SPTBN2: variants seen among roughly 807,000 people sequenced by gnomAD.
SPTBN2 encodes spectrin beta chain, non-erythrocytic 2.
A neutral mutation model predicts 284.2 loss-of-function variants in SPTBN2; 107 were observed. That is an observed-to-expected ratio of 0.38 (90% CI 0.32 to 0.44). The LOEUF (loss-of-function observed/expected upper bound fraction) is 0.44, where lower values mean the gene tolerates loss of function less well. Ranked by LOEUF, SPTBN2 falls within the 20% of genes least tolerant of loss-of-function variation. SPTBN2 has a pLI of 1.00. For missense variants in SPTBN2, 2,569 were observed against 3,287.1 expected (o/e 0.78, Z 5.34); for synonymous variants, 1,289 against 1,354.8 (o/e 0.95, Z 1.07).
Position 66,710,923 on chromosome 11 carries a change from A to G in SPTBN2, c.879T>C (p.Ile293=), listed in dbSNP as rs528603103. 1.6e-4 allele frequency: 257 copies of G among 1,614,204 alleles called. 2 individuals carry two copies. In the East Asian group the frequency reaches 5.5e-3, roughly 34 times the overall value. Residue 293 remains isoleucine (I), a synonymous_variant, in exon 9 of 38, where the codon ATT becomes ATC. Transcript: ENST00000533211. The surrounding 1 kb of genome is among the most constrained non-coding windows in gnomAD (Gnocchi z 4.9). ...TACTGCCCATGGACAGTACCTTGCC[A>G]ATTCTCTTGCCTTCCACGGCCAGGG... ...MKALAVEGKR[I]GKVLDHAMEA...
At chr11:66,720,578 GAGGGAACCTGCTTC>G (rs923410737) in intron 3 of SPTBN2, among the ~76,000 whole-genome samples, 18 of 152,320 alleles carry the variant, frequency 1.2e-4, no homozygotes, top group African/African-American at 4.1e-4. Context: ...GCAGCGGGTG[GAGGGAACCTGCTTC>G]AGGGAACAGG....
In SPTBN2 at chr11:66,721,119, C is replaced by A. The variant is rs149103293; in HGVS notation, c.122G>T (p.Arg41Leu). The A allele has an allele frequency of 1.7e-5, 27 of 1,614,088 alleles. No individual in the cohort carries two copies. Among genetic ancestry groups the A allele is most frequent in the Non-Finnish European group, 1.7e-6 (2 of 1,180,038 alleles). ...CTTAATGCGAGACCTCTCAAAGAGG[C>A]GGGCCGAGCTGCTGTCATTGTCCCA... ...SDWDNDSSSARLFERSRIKAL... is the reference protein window; with the variant it reads ...SDWDNDSSSALLFERSRIKAL... The change falls in exon 3 of 38, where the codon CGC becomes CTC. Residue 41 changes from arginine (R) to leucine (L), a missense_variant. Physicochemically the swap from Arg to Leu is moderately radical, Grantham distance 102. This residue lies in a region of SPTBN2 where 304 missense variants were observed against 522.1 expected (regional missense o/e 0.58). Coordinates refer to ENST00000533211, the MANE Select transcript of SPTBN2 (RefSeq NM_006946.4).
intron 8 of SPTBN2, among the ~76,000 whole-genome samples, chr11:66,711,328 A>T (rs958363185): frequency 7.9e-5 from 12 of 152,250 alleles, no homozygotes; most frequent in Non-Finnish European, 1.2e-4. Context: ...GAAGAAAAGC[A>T]AGAAAAGAAA....
intron 10 of SPTBN2, 109 bp from the exon 11 acceptor site, chr11:66,709,128 A>G (rs1565143763): frequency 2.2e-6 from 2 of 907,484 alleles, no homozygotes; most frequent in Admixed American, 1.9e-5. Context: ...TACAAAAGCA[A>G]TATAAACTTT....
Position 66,688,302 on chromosome 11 carries a change from G to T in SPTBN2, c.6241C>A (p.Arg2081=), listed in dbSNP as rs751766073. 1.5e-5 allele frequency: 24 copies of T among 1,590,092 alleles called. No homozygotes were observed. The highest frequency in any genetic ancestry group is 1.9e-5 in the Non-Finnish European group (22 of 1,168,064). Residue 2081 remains arginine (R), a synonymous_variant, in exon 32 of 38, where the codon CGG becomes AGG. Coordinates refer to ENST00000533211, the MANE Select transcript of SPTBN2 (RefSeq NM_006946.4). ...ALEKLTALEE[R]EKERKRKREE... ...CTCTTTCTCTTTCGCTCCTTCTCCC[G>T]CTCCTCTAGCTGTCAAAAAATGCTG...
rs539881484 is a variant in SPTBN2, at chr11:66,697,649, T to C, written c.4014+990A>G. Among the ~76,000 whole-genome samples, 3 of 152,324 alleles carry C rather than the reference T, an allele frequency of 2.0e-5. No homozygotes were observed. In the East Asian group the frequency reaches 5.8e-4, roughly 29 times the overall value. ...CTCATCCTCCATGGACTGCCCTGGA[T>C]GTTGCTGCTTCTAGAATTTCCATAT... On this transcript the variant is annotated intron_variant, in intron 20 of 37. Coordinates refer to ENST00000533211, the MANE Select transcript of SPTBN2 (RefSeq NM_006946.4).
intron 1 of SPTBN2, among the ~76,000 whole-genome samples, chr11:66,741,995 A>T (rs1343519080): frequency 1.3e-5 from 2 of 151,866 alleles, no homozygotes; most frequent in Non-Finnish European, 2.9e-5. Flanking sequence ...TAATTTTTAA[A>T]TTTTTTTGTA....
intron 1 of SPTBN2, among the ~76,000 whole-genome samples, chr11:66,739,818 G>A (rs1942881690): frequency 6.6e-6 from 1 of 152,216 alleles, no homozygotes; most frequent in African/African-American, 2.4e-5. Flanking sequence ...GATCACATGA[G>A]GTCAGGTGTT....
intron 15 of SPTBN2, among the ~76,000 whole-genome samples, chr11:66,702,314 C>T (rs1386988785): frequency 4.6e-5 from 7 of 152,084 alleles, no homozygotes; most frequent in Non-Finnish European, 7.4e-5. Flanking sequence ...TACAGGTGCC[C>T]GCCACCAAGC....
In SPTBN2 at chr11:66,708,066, C is replaced by T. The variant is rs547624651; in HGVS notation, c.1350+75G>A. 50 of 1,602,072 alleles carry T rather than the reference C, an allele frequency of 3.1e-5. No individual in the cohort carries two copies. Among genetic ancestry groups the T allele is most frequent in the Admixed American group, 1.2e-4 (7 of 59,858 alleles). Reference sequence around the variant, plus strand: ...TTTGTGTTTCATTGTCTCTCCACCCCGCGGGGCTTCTTATCCACCCTGTCT... The same window carrying T: ...TTTGTGTTTCATTGTCTCTCCACCCTGCGGGGCTTCTTATCCACCCTGTCT... On this transcript the variant is annotated intron_variant, in intron 12 of 37. Transcript: ENST00000533211. The surrounding 1 kb of genome is among the most constrained non-coding windows in gnomAD (Gnocchi z 4.4).
At chr11:66,740,529 GAGA>G (rs1451547333) in intron 1 of SPTBN2, among the ~76,000 whole-genome samples, 4 of 152,172 alleles carry the variant, frequency 2.6e-5, no homozygotes, top group Non-Finnish European at 5.9e-5. Flanking sequence ...GCTCCAGGTG[GAGA>G]AGGCCTCAAG....
In SPTBN2 at chr11:66,718,934, G is replaced by A. The variant is rs1471621765; in HGVS notation, c.157+2150C>T. 2.0e-5 allele frequency among the ~76,000 whole-genome samples: 3 copies of A among 152,194 alleles called. No homozygotes were observed. Among genetic ancestry groups the A allele is most frequent in the South Asian group, 2.1e-4 (1 of 4,830 alleles). ...GGCCAGGCCCTGCGGGGCGGCGGAG[G>A]AGGGCACTGCCAGCGCCTTCAAGAC... On this transcript the variant is annotated intron_variant, in intron 3 of 37. Transcript: ENST00000533211. This position sits in a 1 kb window ranked among gnomAD's most constrained non-coding sequence, Gnocchi z 4.8.
rs746890946 is a variant in SPTBN2, at chr11:66,689,149, C to T, written c.5981G>A (p.Arg1994Gln). 13 of 1,609,700 alleles carry T rather than the reference C, an allele frequency of 8.1e-6. No homozygotes were observed. Among genetic ancestry groups the T allele is most frequent in the African/African-American group, 1.3e-5 (1 of 74,886 alleles). Residue 1994 changes from arginine to glutamine, a missense_variant, in exon 30 of 38, where the codon CGG becomes CAG. This residue lies in a region of SPTBN2 where 1,130 missense variants were observed against 1,317.3 expected (regional missense o/e 0.86). Coordinates refer to ENST00000533211, the MANE Select transcript of SPTBN2 (RefSeq NM_006946.4). Reference protein sequence around the residue: ...ISEKLSQLQARRQETAEKWQE... With the variant: ...ISEKLSQLQAQRQETAEKWQE... ...CCACTTCTCAGCTGTCTCCTGGCGC[C>T]GTGCCTGCAGCTGAGACAGCTTCTC...
chr11:66,706,748 G>C (rs1408746363), intron 13 of SPTBN2, among the ~76,000 whole-genome samples: 1 of 151,176 alleles, frequency 6.6e-6, no homozygotes, highest in Non-Finnish European at 1.5e-5. Flanking sequence ...TGCTGTCTCA[G>C]CCTCCTGAGT....
intron 20 of SPTBN2, 80 bp from the exon 21 acceptor site, chr11:66,696,620 G>A (rs573013798): frequency 4.3e-5 from 67 of 1,574,754 alleles, no homozygotes; most frequent in South Asian, 2.2e-4. Flanking sequence ...GGGGCCTTAC[G>A]GGCAGTAGAG....
chr11:66,705,188 G>A lies in SPTBN2; in HGVS notation c.2088C>T (p.Pro696=), dbSNP rs1367269233. The change falls in exon 15 of 38, where the codon CCC becomes CCT. Residue 696 remains proline, a synonymous_variant. Coordinates refer to ENST00000533211, the MANE Select transcript of SPTBN2 (RefSeq NM_006946.4). ...GGCCCTGCTCCAGGGTGAGCTTCAG[G>A]GGCCCCAGCCGGCCGCTCATCTCGC... is the stretch of plus-strand genomic sequence containing the variant. ...LRGEMSGRLG[P]LKLTLEQGQQ... The A allele has an allele frequency of 3.9e-6, 6 of 1,534,848 alleles. No homozygotes were observed. The highest frequency in any genetic ancestry group is 5.2e-6 in the Non-Finnish European group (6 of 1,142,888).
intron 3 of SPTBN2, among the ~76,000 whole-genome samples, chr11:66,720,234 G>A (rs1262871541): frequency 3.3e-5 from 5 of 152,154 alleles, no homozygotes; most frequent in Admixed American, 1.3e-4. Context: ...ACCTCTCGGT[G>A]AGAGTAGCTG....
At chr11:66,692,776 G>A (rs749676573) in intron 25 of SPTBN2, 36 bp from the exon 26 acceptor site, 11 of 1,599,392 alleles carry the variant, frequency 6.9e-6, no homozygotes, top group East Asian at 2.2e-5. Flanking sequence ...GTGGGACTTA[G>A]GGGTGTAGCT....
chr11:66,688,612 G>T (rs1940315647), intron 31 of SPTBN2, 41 bp downstream of exon 31: 2 of 1,611,098 alleles, frequency 1.2e-6, no homozygotes, highest in East Asian at 2.2e-5. Context: ...CAGGTCAGGG[G>T]AGCAGGTTGG....
Sources: gnomAD v4.1 joint callset for allele counts (sites outside exome capture counted in the v4.1 genomes callset) on GRCh38, gnomAD v4.1.1 for gene constraint, gnomAD v4.1.1 regional missense constraint, Gnocchi (gnomAD v3.1) non-coding constraint, MANE v1.5 for transcripts, NCBI Gene and HGNC (gene_info 2026-07-23, HGNC 2026-07-21) for gene names.